The following SMC4 variants were observed in gnomAD, a reference collection of about 807,000 sequenced individuals.
The protein encoded by SMC4 is structural maintenance of chromosomes protein 4.
Under a neutral mutation model 145.6 loss-of-function variants are expected in SMC4, and 87 were observed. The ratio of observed to expected loss-of-function variants is 0.60; its 90% CI spans 0.50 to 0.71. SMC4 has a LOEUF of 0.71. Among genes scored for constraint, SMC4 ranks in the 30% least tolerant of loss-of-function variants. SMC4 has a pLI of 0.00. For synonymous variants in SMC4, 558 were observed against 500.7 expected, an observed-to-expected ratio of 1.11 and a Z score of -1.53; for missense variants, 1,447 against 1,537.1, an observed-to-expected ratio of 0.94 and a Z score of 0.98.
intron 16 of SMC4, 129 bp downstream of exon 16, chr3:160,425,148 C>G: frequency 7.6e-7 from 1 of 1,319,396 alleles, no homozygotes; most frequent in Non-Finnish European, 1.0e-6. Context: ...GATCTATAGG[C>G]AGATATAACT....
At chr3:160,416,563 A>T (rs766799204) in intron 10 of SMC4, 148 bp downstream of exon 10, 1 of 455,196 alleles carries the variant, frequency 2.2e-6, no homozygotes, top group Non-Finnish European at 3.9e-6. Context: ...CTAGACTTAG[A>T]TGACTATTCT....
Position 160,433,586 on chromosome 3 carries a change from ATT to A in SMC4, c.3715-69_3715-68del, listed in dbSNP as rs1397562171. 5.5e-6 allele frequency: 5 copies of A among 907,258 alleles called. No individual in the cohort carries two copies. The African/African-American group carries it at 8.5e-5, about 15-fold the overall frequency. The allele number at this position is 907,258 out of a possible 1,614,324, so 56.2% of individuals were successfully genotyped here. ...ATGTAATGTTTATTGTCCAAAAAAT[ATT>A]TGAGGTTACATGTTTGTGTGATTTA... On this transcript the variant is annotated intron_variant, in intron 23 of 23. Transcript: ENST00000357388.
At chr3:160,405,292 C>G (rs760084246) in intron 5 of SMC4, among the ~76,000 whole-genome samples, 8 of 148,828 alleles carry the variant, frequency 5.4e-5, no homozygotes, top group Admixed American at 2.7e-4. Context: ...TCTTTTTTTC[C>G]CTGTCCTCAA....
At chr3:160,425,088 G>C in intron 16 of SMC4, 69 bp downstream of exon 16, 1 of 1,478,252 alleles carries the variant, frequency 6.8e-7, no homozygotes, top group Non-Finnish European at 9.0e-7. Context: ...GAATTTATCA[G>C]AACCATTTTG....
intron 10 of SMC4, 33 bp downstream of exon 10, chr3:160,416,448 G>T: frequency 3.8e-6 from 5 of 1,320,936 alleles, no homozygotes; most frequent in South Asian, 2.0e-5. Flanking sequence ...TGTTTATTTT[G>T]GTGGCTTTTT....
At chr3:160,404,282 C>T in intron 4 of SMC4, 46 bp from the exon 5 acceptor site, 2 of 1,555,836 alleles carry the variant, frequency 1.3e-6, no homozygotes, top group Non-Finnish European at 1.7e-6. Flanking sequence ...AGGCCTATGA[C>T]TTAATACCAA....
At chr3:160,430,150 A>G (rs1718234129) in intron 18 of SMC4, among the ~76,000 whole-genome samples, 1 of 139,588 alleles carries the variant, frequency 7.2e-6, no homozygotes, top group African/African-American at 2.7e-5. Context: ...TTATCTGGTT[A>G]AATTAATCCA....
At position 160,402,696 on chromosome 3, in the gene SMC4, G is replaced by A. The variant is rs1346115555; in HGVS notation, c.339G>A (p.Gly113=). The change falls in exon 4 of 24, where the codon GGG becomes GGA. Residue 113 remains glycine (G), a synonymous_variant. Transcript: ENST00000357388. The part of the protein sequence containing the change: ...PFHKRFSCII[G]PNGSGKSNVI... ...TGCAGCGCTTTTCCTGTATTATCGGGCCAAATGGCAGTGGCAAATCCAATG... is the reference window on the plus strand; with the variant it reads ...TGCAGCGCTTTTCCTGTATTATCGGACCAAATGGCAGTGGCAAATCCAATG... 2 of 1,608,232 alleles carry A rather than the reference G, an allele frequency of 1.2e-6. No individual in the cohort carries two copies. Among genetic ancestry groups the A allele is most frequent in the South Asian group, 1.1e-5 (1 of 89,310 alleles).
Position 160,417,765 on chromosome 3 carries a change from G to A in SMC4, c.1480G>A (p.Glu494Lys), listed in dbSNP as rs1459281311. 3 of 1,613,196 alleles carry A rather than the reference G, an allele frequency of 1.9e-6. No homozygotes were observed. Among genetic ancestry groups the A allele is most frequent in the Middle Eastern group, 1.7e-4 (1 of 6,060 alleles). ...TATGGGTTTCAGCAAATCGGTAAAT[G>A]AAGCACGTTCAAAGATGGATGTAGC... ...ELMGFSKSVN[E>K]ARSKMDVAQS... The change falls in exon 11 of 24, where the codon GAA becomes AAA. Residue 494 changes from glutamate to lysine, a missense_variant. Physicochemically the swap from Glu to Lys is moderately conservative, Grantham distance 56 (BLOSUM62 1). Coordinates refer to ENST00000357388, the MANE Select transcript of SMC4 (RefSeq NM_001002800.3).
Position 160,434,010 on chromosome 3 carries a change from TAAGTAGCAGAC to T in SMC4, c.*202_*212del. Reference sequence around the variant, plus strand: ...AGATTACAAAAATATGACAATCTTGTAAGTAGCAGACTATGGAGAAAAATGAGTTACCTGGA... The same window carrying T: ...AGATTACAAAAATATGACAATCTTGTTATGGAGAAAAATGAGTTACCTGGA... On this transcript the variant is annotated 3_prime_UTR_variant, in exon 24 of 24. Transcript: ENST00000357388. 2.4e-6 allele frequency: 1 copy of T among 412,850 alleles called. No homozygotes were observed. Among genetic ancestry groups the T allele is most frequent in the Non-Finnish European group, 4.3e-6 (1 of 233,800 alleles). The allele number at this position is 412,850 out of a possible 1,614,324, so 25.6% of individuals were successfully genotyped here. A position where few individuals can be genotyped will look rare whatever the true frequency, so the allele number is the denominator to read the frequency against.
rs569569110 is a variant in SMC4 at position 160,429,344 on chromosome 3, T to C, written c.2795+402T>C. On this transcript the variant is annotated intron_variant, in intron 18 of 23. Transcript: ENST00000357388. ...ATTCTCTTGGTAACTTACATTTTAG[T>C]TTTTATTTTTATTTTTTGATACAGA... Among the ~76,000 whole-genome samples the C allele has an allele frequency of 1.2e-4, 18 of 152,230 alleles. No individual in the cohort carries two copies. In the South Asian group the frequency reaches 3.5e-3, roughly 30 times the overall value.
At chr3:160,423,335 A>T (rs1717383837) in intron 13 of SMC4, 90 bp from the exon 14 acceptor site, 3 of 950,834 alleles carry the variant, frequency 3.2e-6, no homozygotes, top group African/African-American at 1.8e-5. Flanking sequence ...CTTTTGTTGA[A>T]TTTATTCCTA....
chr3:160,428,705 T>C, intron 17 of SMC4, 48 bp from the exon 18 acceptor site: 1 of 1,506,350 alleles, frequency 6.6e-7, no homozygotes, highest in South Asian at 1.3e-5. Flanking sequence ...ACAAATGATG[T>C]TCATTAGCAT....
chr3:160,411,429 G>A (rs1715980675), intron 5 of SMC4, among the ~76,000 whole-genome samples: 2 of 152,164 alleles, frequency 1.3e-5, no homozygotes, highest in South Asian at 4.1e-4. Context: ...GAGAAAGTTG[G>A]TAATACTACT....
At chr3:160,416,453 CTT>C (rs540065401) in intron 10 of SMC4, 38 bp downstream of exon 10, 3,951 of 983,062 alleles carry the variant, frequency 4.0e-3, no homozygotes, top group South Asian at 5.2e-3. Context: ...ATTTTGGTGG[CTT>C]TTTTTTTTTT....
intron 3 of SMC4, among the ~76,000 whole-genome samples, 190 bp from the exon 4 acceptor site, chr3:160,402,486 G>T (rs1447346982): frequency 2.6e-5 from 4 of 152,144 alleles, no homozygotes; most frequent in African/African-American, 7.2e-5. Context: ...CTTATTGAAT[G>T]TTGAAGCTTT....
At chr3:160,419,015 C>G (rs556905226) in intron 11 of SMC4, among the ~76,000 whole-genome samples, 2 of 152,236 alleles carry the variant, frequency 1.3e-5, no homozygotes, top group Admixed American at 6.5e-5. Flanking sequence ...TAGGGCAGAG[C>G]TGAAGAATTA....
At chr3:160,403,229 A>G (rs1225916009) in intron 4 of SMC4, among the ~76,000 whole-genome samples, 1 of 152,170 alleles carries the variant, frequency 6.6e-6, no homozygotes, top group Non-Finnish European at 1.5e-5. Flanking sequence ...TGTAGCAGTT[A>G]GCCGGTTTTA....
Position 160,426,058 on chromosome 3 carries a change from T to A in SMC4, c.2479-16T>A. The A allele has an allele frequency of 6.4e-7, 1 of 1,564,868 alleles. No individual in the cohort carries two copies. The highest frequency in any genetic ancestry group is 8.6e-7 in the Non-Finnish European group (1 of 1,158,126). ...ATGTTAAAATATTGACCTTAAATGTTAAAACTTTTTTGTAGCGTTTAATAG... is the reference window on the plus strand; with the variant it reads ...ATGTTAAAATATTGACCTTAAATGTAAAAACTTTTTTGTAGCGTTTAATAG... On this transcript the variant is annotated splice_polypyrimidine_tract_variant and intron_variant, in intron 16 of 23. Coordinates refer to ENST00000357388, the MANE Select transcript of SMC4 (RefSeq NM_001002800.3).
Sources: gnomAD v4.1 joint callset for allele counts (sites outside exome capture counted in the v4.1 genomes callset) on GRCh38, gnomAD v4.1.1 for gene constraint, MANE v1.5 for transcripts, NCBI Gene and HGNC (gene_info 2026-07-23, HGNC 2026-07-21) for gene names.